SPATS2: variants seen among roughly 807,000 people sequenced by gnomAD.
The protein encoded by SPATS2 is spermatogenesis-associated serine-rich protein 2.
In SPATS2, 38 loss-of-function variants were observed where a neutral mutation model predicts 63.7. The observed-to-expected ratio is 0.60, with a 90% CI of 0.46 to 0.78. SPATS2 has a LOEUF of 0.78. SPATS2 is among the 30% of genes least tolerant of loss of function. The pLI is 0.00. For synonymous variants in SPATS2, 207 were observed against 232.9 expected, an observed-to-expected ratio of 0.89 and a Z score of 1.01; for missense variants, 588 against 666.2, an observed-to-expected ratio of 0.88 and a Z score of 1.29.
rs374917601 is a variant in SPATS2 at position 49,497,833 on chromosome 12, T to C, written c.703+824T>C. Among the ~76,000 whole-genome samples, 71 of 151,930 alleles carry C rather than the reference T, an allele frequency of 4.7e-4. No individual in the cohort carries two copies. In the South Asian group the frequency reaches 0.012, roughly 26 times the overall value. On this transcript the variant is annotated intron_variant, in intron 8 of 13. Transcript: ENST00000552918. ...GTATGTGGCGTTGACTGGTGATAGCTCTTTGCTTAAAAAAAAAAGAAAACT... is the reference window on the plus strand; with the variant it reads ...GTATGTGGCGTTGACTGGTGATAGCCCTTTGCTTAAAAAAAAAAGAAAACT...
At chr12:49,448,664 A>G (rs529430018) in intron 2 of SPATS2, among the ~76,000 whole-genome samples, 2 of 148,714 alleles carry the variant, frequency 1.3e-5, no homozygotes, top group East Asian at 2.0e-4. Context: ...TCAGTGAAAC[A>G]TGATTGTGCT....
chr12:49,397,968 G>T, intron 2 of SPATS2, among the ~76,000 whole-genome samples: 1 of 150,780 alleles, frequency 6.6e-6, no homozygotes. Context: ...TGGGCATCAT[G>T]GCAAAACCCC....
chr12:49,523,339 G>A (rs12314348), intron 12 of SPATS2, among the ~76,000 whole-genome samples: 1 of 150,938 alleles, frequency 6.6e-6, no homozygotes, highest in Non-Finnish European at 1.5e-5. Flanking sequence ...AAATTAGCCA[G>A]GTGTGGTGGC....
intron 2 of SPATS2, among the ~76,000 whole-genome samples, chr12:49,385,292 AC>A (rs1382892091): frequency 1.3e-5 from 2 of 151,116 alleles, no homozygotes; most frequent in Non-Finnish European, 3.0e-5. Flanking sequence ...AAAAAAAAAA[AC>A]AAAAACCATG....
intron 2 of SPATS2, among the ~76,000 whole-genome samples, chr12:49,436,557 G>T (rs1385263256): frequency 7.7e-6 from 1 of 129,084 alleles, no homozygotes; most frequent in Non-Finnish European, 1.8e-5. Context: ...CGGGCGGGGG[G>T]CTGACCTCCC....
intron 3 of SPATS2, among the ~76,000 whole-genome samples, chr12:49,475,501 C>T (rs770547308): frequency 2.0e-5 from 3 of 152,030 alleles, no homozygotes; most frequent in Admixed American, 6.6e-5. Context: ...AGTACAGTGG[C>T]GTGGTCTCGG....
chr12:49,456,562 T>C (rs1945722631), intron 2 of SPATS2, among the ~76,000 whole-genome samples: 1 of 152,198 alleles, frequency 6.6e-6, no homozygotes, highest in Non-Finnish European at 1.5e-5. Flanking sequence ...ATCTGTCTTA[T>C]AATTTTAATA....
intron 2 of SPATS2, among the ~76,000 whole-genome samples, chr12:49,422,697 C>T (rs974269863): frequency 2.6e-5 from 4 of 152,178 alleles, no homozygotes; most frequent in Admixed American, 6.5e-5. Flanking sequence ...ACTTGAGCTC[C>T]GGAGTTCGAG....
chr12:49,462,235 T>G, intron 3 of SPATS2: 1 of 697,458 alleles, frequency 1.4e-6, no homozygotes, highest in Non-Finnish European at 2.6e-6. Flanking sequence ...TTTGCAGGAG[T>G]CTCTCCTTTA....
intron 2 of SPATS2, among the ~76,000 whole-genome samples, chr12:49,428,795 T>G (rs946024332): frequency 6.6e-6 from 1 of 152,156 alleles, no homozygotes. Context: ...GTGAATATAG[T>G]TGCTCCTAAT....
chr12:49,483,125 A>C (rs1402732934), intron 3 of SPATS2, among the ~76,000 whole-genome samples: 1 of 124,318 alleles, frequency 8.0e-6, no homozygotes, highest in East Asian at 2.3e-4. Context: ...GTCATCTAGT[A>C]TGTTGTTAAA....
chr12:49,467,215 A>ATTTTTTT (rs35462676), intron 3 of SPATS2, among the ~76,000 whole-genome samples: 6 of 119,946 alleles, frequency 5.0e-5, no homozygotes, highest in Non-Finnish European at 6.8e-5. Context: ...TGCCTGGCTA[A>ATTTTTTT]TTTTTTTTTT....
intron 2 of SPATS2, among the ~76,000 whole-genome samples, chr12:49,454,834 C>T (rs1032634134): frequency 6.6e-6 from 1 of 150,772 alleles, no homozygotes; most frequent in African/African-American, 2.4e-5. Flanking sequence ...GAGCCAGGGT[C>T]GCACTGCTGC....
At chr12:49,467,215 A>ATTTTTT (rs35462676) in intron 3 of SPATS2, among the ~76,000 whole-genome samples, 30 of 119,924 alleles carry the variant, frequency 2.5e-4, no homozygotes, top group Admixed American at 1.5e-3. Context: ...TGCCTGGCTA[A>ATTTTTT]TTTTTTTTTT....
intron 2 of SPATS2, among the ~76,000 whole-genome samples, chr12:49,380,361 G>T (rs907187837): frequency 6.6e-6 from 1 of 151,846 alleles, no homozygotes; most frequent in East Asian, 1.9e-4. Flanking sequence ...ATACTAGTCC[G>T]TTGTTCAGAT....
At chr12:49,440,204 G>A (rs779156558) in intron 2 of SPATS2, among the ~76,000 whole-genome samples, 15 of 152,112 alleles carry the variant, frequency 9.9e-5, no homozygotes, top group Admixed American at 5.2e-4. Context: ...AAATATTGCA[G>A]CATGTATTTC....
chr12:49,470,689 C>T (rs1389058635), intron 3 of SPATS2, among the ~76,000 whole-genome samples: 1 of 152,210 alleles, frequency 6.6e-6, no homozygotes, highest in East Asian at 1.9e-4. Flanking sequence ...ATAAGATCAT[C>T]TCCTTCAGTT....
rs1592487889 is a variant in SPATS2 at position 49,524,986 on chromosome 12, T to C, written c.1326+90T>C. 9 of 1,272,978 alleles carry C rather than the reference T, an allele frequency of 7.1e-6. No homozygotes were observed. In the East Asian group the frequency reaches 2.2e-4, roughly 31 times the overall value. 78.9% of individuals were successfully genotyped at this position (1,272,978 alleles called of 1,614,324 possible). Reference sequence around the variant, plus strand: ...CTGTTAGCTCAGTATATTATCTTCCTCTCTATTCCCATTCCATGCCTGTTT... The same window carrying C: ...CTGTTAGCTCAGTATATTATCTTCCCCTCTATTCCCATTCCATGCCTGTTT... On this transcript the variant is annotated intron_variant, in intron 13 of 13. Transcript: ENST00000552918.
intron 12 of SPATS2, 54 bp from the exon 13 acceptor site, chr12:49,524,628 A>G: frequency 2.6e-6 from 4 of 1,552,904 alleles, no homozygotes; most frequent in Non-Finnish European, 2.7e-6. Context: ...TAGAAACCTT[A>G]TCCATTGTGC....
Sources: allele counts gnomAD v4.1 joint callset (sites outside exome capture counted in the v4.1 genomes callset), GRCh38; gene constraint gnomAD v4.1.1; transcripts MANE v1.5; gene names NCBI Gene and HGNC (gene_info 2026-07-23, HGNC 2026-07-21).